The following ZNF362 variants were observed in gnomAD, a reference collection of about 807,000 sequenced individuals.
The protein encoded by ZNF362 is zinc finger protein 362, also known as rotund homolog.
ZNF362 carries 11 observed loss-of-function variants against 42.9 expected under a neutral mutation model. That is an observed-to-expected ratio of 0.26 (90% CI 0.16 to 0.42). The LOEUF is 0.42. ZNF362 is among the 20% of genes least tolerant of loss of function. The probability of loss-of-function intolerance (pLI) is 1.00; values close to 1 mark genes in which losing one functional copy is unlikely to be tolerated. For missense variants in ZNF362, 362 were observed against 576.2 expected, an observed-to-expected ratio of 0.63 and a Z score of 3.81; for synonymous variants, 255 against 257.3, an observed-to-expected ratio of 0.99 and a Z score of 0.09.
the ZNF362 span, among the ~76,000 whole-genome samples, chr1:33,187,199 G>A: frequency 6.6e-6 from 1 of 152,178 alleles, no homozygotes; most frequent in Non-Finnish European, 1.5e-5. Flanking sequence ...TAATTCTTTG[G>A]CACTTGTGAA....
the ZNF362 span, among the ~76,000 whole-genome samples, chr1:33,190,449 A>G: frequency 6.6e-6 from 1 of 152,220 alleles, no homozygotes; most frequent in African/African-American, 2.4e-5. Context: ...TAGCAGCTAC[A>G]ACACAATATA....
the ZNF362 span, among the ~76,000 whole-genome samples, chr1:33,137,218 A>T: frequency 6.6e-6 from 1 of 152,166 alleles, no homozygotes; most frequent in African/African-American, 2.4e-5. Context: ...CTGGAGGCTA[A>T]TAAGGAGCAC....
chr1:33,187,670 A>G, the ZNF362 span, among the ~76,000 whole-genome samples: 1 of 152,112 alleles, frequency 6.6e-6, no homozygotes, highest in African/African-American at 2.4e-5. Flanking sequence ...TGTCATGAGG[A>G]TCCCAAAATT....
chr1:33,293,730 C>T (rs532654255), intron 6 of ZNF362, among the ~76,000 whole-genome samples: 49 of 152,162 alleles, frequency 3.2e-4, no homozygotes, highest in Non-Finnish European at 5.9e-4. Flanking sequence ...GAAGACACGC[C>T]CAGGGAGATG....
the ZNF362 span, among the ~76,000 whole-genome samples, chr1:33,239,696 A>G: frequency 6.6e-6 from 1 of 152,162 alleles, no homozygotes; most frequent in Non-Finnish European, 1.5e-5. Context: ...CGAGAACAGC[A>G]TGGGGGAACC....
chr1:33,269,037 A>G (rs1645883412), intron 1 of ZNF362, among the ~76,000 whole-genome samples: 1 of 152,082 alleles, frequency 6.6e-6, no homozygotes, highest in Non-Finnish European at 1.5e-5. Context: ...CCCACCCTGT[A>G]GGATCCTAAT....
At chr1:33,271,314 G>A (rs1029845432) in intron 2 of ZNF362, among the ~76,000 whole-genome samples, 1 of 152,226 alleles carries the variant, frequency 6.6e-6, no homozygotes, top group Non-Finnish European at 1.5e-5. Flanking sequence ...TGCTCAAGCT[G>A]TTGCTTCTGC....
chr1:33,173,604 ACTCAGATAACCTGAGTT>A, the ZNF362 span, among the ~76,000 whole-genome samples: 1 of 151,216 alleles, frequency 6.6e-6, no homozygotes, highest in Non-Finnish European at 1.5e-5. Context: ...CCCTGGTCAC[ACTCAGATAACCTGAGTT>A]CAAGTTTCAG....
At chr1:33,229,983 A>G in the ZNF362 span, among the ~76,000 whole-genome samples, 3 of 152,206 alleles carry the variant, frequency 2.0e-5, no homozygotes, top group African/African-American at 7.2e-5. Context: ...CATACCATTT[A>G]GAGATAAGCA....
At chr1:33,199,180 A>C in the ZNF362 span, among the ~76,000 whole-genome samples, 8 of 152,282 alleles carry the variant, frequency 5.3e-5, no homozygotes, top group East Asian at 1.5e-3. Flanking sequence ...GAAACTCAAC[A>C]AACCTAAACA....
At chr1:33,159,640 C>A in the ZNF362 span, 2 of 1,572,564 alleles carry the variant, frequency 1.3e-6, no homozygotes, top group South Asian at 2.3e-5. This position sits in a 1 kb window ranked among gnomAD's most constrained non-coding sequence, Gnocchi z 4.2. Flanking sequence ...CAGCATGGGT[C>A]GAGGAGGGGA....
chr1:33,295,339 G>A (rs1646113142), intron 8 of ZNF362, 34 bp downstream of exon 8: 2 of 1,605,082 alleles, frequency 1.2e-6, no homozygotes, highest in Non-Finnish European at 1.7e-6. Context: ...CTGCCCCGGG[G>A]GAGCCACTTC....
chr1:33,180,957 C>G, the ZNF362 span: 41 of 413,478 alleles, frequency 9.9e-5, no homozygotes, highest in Middle Eastern at 7.9e-4. Flanking sequence ...CAGCCCTGAC[C>G]CCACCCCCCG....
chr1:33,171,148 T>C, the ZNF362 span, among the ~76,000 whole-genome samples: 1 of 152,110 alleles, frequency 6.6e-6, no homozygotes, highest in Non-Finnish European at 1.5e-5. Flanking sequence ...GCCACACAGC[T>C]TGACACAGGA....
At chr1:33,252,606 G>T (rs1156417867), upstream of ZNF362, among the ~76,000 whole-genome samples, 2 of 152,164 alleles carry the variant, frequency 1.3e-5, no homozygotes, top group African/African-American at 2.4e-5. Flanking sequence ...GCATAGTCTG[G>T]TTAAGACAGT....
the ZNF362 span, among the ~76,000 whole-genome samples, chr1:33,144,795 C>T: frequency 2.6e-5 from 4 of 152,104 alleles, no homozygotes; most frequent in Non-Finnish European, 5.9e-5. Flanking sequence ...GTTCCATACC[C>T]GTCACAGCCC....
At chr1:33,190,817 T>C in the ZNF362 span, among the ~76,000 whole-genome samples, 1 of 152,322 alleles carries the variant, frequency 6.6e-6, no homozygotes, top group South Asian at 2.1e-4. Context: ...CAGGAGGGAA[T>C]TGATGTCGCA....
At chr1:33,181,291 G>T in the ZNF362 span, 1 of 1,551,836 alleles carries the variant, frequency 6.4e-7, no homozygotes. The surrounding 1 kb of genome is among the most constrained non-coding windows in gnomAD (Gnocchi z 6.5). Flanking sequence ...GGGCAGTCGC[G>T]GGCGCCCTGC....
rs1369411145 is a variant in ZNF362, at chr1:33,276,355, A to G, written c.110A>G (p.Asn37Ser). The G allele has an allele frequency of 3.2e-6, 5 of 1,557,586 alleles. No homozygotes were observed. Among genetic ancestry groups the G allele is most frequent in the South Asian group, 2.4e-5 (2 of 84,978 alleles). ...GTCCTCTTCTTCCCGCAGCTGGACA[A>G]CCTGGTTCTGATTAACAAGATCAAG... ...PPPTMPSQLD[N>S]LVLINKIKEQ... The change falls in exon 4 of 9, where the codon AAC (asparagine) becomes AGC (serine). Residue 37 changes from asparagine (N) to serine (S), a missense_variant. Physicochemically the swap from Asn to Ser is conservative, Grantham distance 46 (BLOSUM62 1). Around this residue, in one of 3 missense-constraint regions of ZNF362, gnomAD observed 266 missense variants for 365.4 expected, o/e 0.73. Transcript: ENST00000539719.
Sources: allele counts gnomAD v4.1 joint callset (sites outside exome capture counted in the v4.1 genomes callset), GRCh38; gene constraint gnomAD v4.1.1; regional missense constraint gnomAD v4.1.1; non-coding constraint Gnocchi (gnomAD v3.1); transcripts MANE v1.5; gene names NCBI Gene and HGNC (gene_info 2026-07-23, HGNC 2026-07-21).